Variants in CHSY3 observed in about 807,000 individuals in gnomAD.
CHSY3 encodes the protein chondroitin sulfate synthase 3.
A neutral mutation model predicts 67.2 loss-of-function variants in CHSY3; 35 were observed. The ratio of observed to expected loss-of-function variants is 0.52; its 90% CI spans 0.40 to 0.69. The LOEUF (loss-of-function observed/expected upper bound fraction) is 0.69. CHSY3 is among the 30% of genes least tolerant of loss of function. The pLI, the probability that CHSY3 is intolerant of heterozygous loss-of-function variation, is 0.00. For synonymous variants in CHSY3, 474 were observed against 434.7 expected, an observed-to-expected ratio of 1.09 and a Z score of -1.12; for missense variants, 1,069 against 1,138.5, an observed-to-expected ratio of 0.94 and a Z score of 0.88.
At chr5:130,143,780 A>ATGTGTATATATATATATATATATG (rs1768966341) in intron 2 of CHSY3, among the ~76,000 whole-genome samples, 3 of 60,406 alleles carry the variant, frequency 5.0e-5, no homozygotes, top group Non-Finnish European at 5.5e-5. Context: ...ATATATATAT[A>ATGTGTATATATATATATATATATG]TGTGTATATA....
At chr5:129,920,868 G>C (rs929683778) in intron 2 of CHSY3, among the ~76,000 whole-genome samples, 1 of 151,916 alleles carries the variant, frequency 6.6e-6, no homozygotes. Flanking sequence ...ACCCAGGCTG[G>C]AATGCAGTGG....
intron 2 of CHSY3, among the ~76,000 whole-genome samples, chr5:129,945,664 A>G (rs1761831153): frequency 6.6e-6 from 1 of 152,160 alleles, no homozygotes; most frequent in Non-Finnish European, 1.5e-5. Context: ...ACAGTATGGA[A>G]GGAGACAGAC....
intron 2 of CHSY3, among the ~76,000 whole-genome samples, chr5:129,919,522 G>A (rs1035579295): frequency 2.6e-5 from 4 of 152,122 alleles, no homozygotes; most frequent in African/African-American, 7.2e-5. Flanking sequence ...GGCAGAAGGC[G>A]AAAGGCACAT....
intron 2 of CHSY3, among the ~76,000 whole-genome samples, chr5:130,110,594 G>A (rs2149703523): frequency 6.6e-6 from 1 of 152,030 alleles, no homozygotes; most frequent in African/African-American, 2.4e-5. Context: ...TTGAGCCTTA[G>A]GGAGATAATC....
At chr5:129,995,069 G>C (rs779749402) in intron 2 of CHSY3, among the ~76,000 whole-genome samples, 24 of 152,038 alleles carry the variant, frequency 1.6e-4, no homozygotes, top group Middle Eastern at 6.8e-3. Context: ...ACTTTCACCA[G>C]CAGTGTATGA....
chr5:130,106,253 A>T (rs1178523744), intron 2 of CHSY3, among the ~76,000 whole-genome samples: 1 of 151,764 alleles, frequency 6.6e-6, no homozygotes, highest in Non-Finnish European at 1.5e-5. Flanking sequence ...AAGTGGACGT[A>T]TGACAGTCAT....
intron 2 of CHSY3, among the ~76,000 whole-genome samples, chr5:129,960,294 C>T (rs762778125): frequency 6.6e-6 from 1 of 151,992 alleles, no homozygotes; most frequent in South Asian, 2.1e-4. Context: ...TTTGGAAGAT[C>T]TTTGAAGGTT....
intron 2 of CHSY3, among the ~76,000 whole-genome samples, chr5:130,139,609 A>G (rs1242512922): frequency 6.6e-6 from 1 of 152,150 alleles, no homozygotes; most frequent in Non-Finnish European, 1.5e-5. Context: ...CCCTCTTGGG[A>G]TTTTACAACA....
At chr5:130,032,683 G>T (rs1561506180) in intron 2 of CHSY3, among the ~76,000 whole-genome samples, 1 of 152,138 alleles carries the variant, frequency 6.6e-6, no homozygotes, top group African/African-American at 2.4e-5. Context: ...GAGTACCCAG[G>T]TTAGACATAC....
chr5:130,022,860 T>A (rs1325335398), intron 2 of CHSY3, among the ~76,000 whole-genome samples: 1 of 151,984 alleles, frequency 6.6e-6, no homozygotes, highest in African/African-American at 2.4e-5. Flanking sequence ...TTTTGTGTGT[T>A]CAGTTTTCTA....
chr5:129,976,913 C>CAT (rs5871372), intron 2 of CHSY3, among the ~76,000 whole-genome samples: 3,827 of 146,442 alleles, frequency 0.026, 69 homozygotes, highest in East Asian at 0.06. Flanking sequence ...ATAGAGAAGA[C>CAT]ATATATATAT....
At chr5:130,112,650 T>C (rs958979247) in intron 2 of CHSY3, among the ~76,000 whole-genome samples, 2 of 152,128 alleles carry the variant, frequency 1.3e-5, no homozygotes, top group East Asian at 1.9e-4. Context: ...AAATTGTTTC[T>C]ATTACTCAGA....
intron 2 of CHSY3, among the ~76,000 whole-genome samples, chr5:129,945,352 C>T (rs930289237): frequency 1.3e-5 from 2 of 152,148 alleles, no homozygotes; most frequent in Non-Finnish European, 2.9e-5. Flanking sequence ...ACAGAATAAA[C>T]ATGGCATAAC....
At chr5:129,993,205 G>A (rs751822616) in intron 2 of CHSY3, among the ~76,000 whole-genome samples, 12 of 152,016 alleles carry the variant, frequency 7.9e-5, no homozygotes, top group South Asian at 2.1e-4. Flanking sequence ...TCTAGTTCTC[G>A]TCATTAGTTC....
rs1209355862 is a variant in CHSY3 at position 130,178,237 on chromosome 5, A to ATT, written c.1087-5991_1087-5990insTT. On this transcript the variant is annotated intron_variant, in intron 2 of 2. Transcript: ENST00000305031. ...TGTATATATTTATATTTATATATAT[A>ATT]TATATATATATATATATTTTTTTTT... Among the ~76,000 whole-genome samples the ATT allele has an allele frequency of 4.0e-3, 250 of 62,476 alleles. 1 individual carries two copies. The highest frequency in any genetic ancestry group is 0.011 in the South Asian group (19 of 1,786). The allele number at this position is 62,476 out of a possible 152,430, so 41.0% of individuals were successfully genotyped here. A position where few individuals can be genotyped will look rare whatever the true frequency, so the allele number is the denominator to read the frequency against.
At chr5:129,954,246 C>T (rs1762104296) in intron 2 of CHSY3, among the ~76,000 whole-genome samples, 1 of 152,076 alleles carries the variant, frequency 6.6e-6, no homozygotes, top group Non-Finnish European at 1.5e-5. Flanking sequence ...AATCCTTTCC[C>T]CATTTCTTGT....
intron 2 of CHSY3, among the ~76,000 whole-genome samples, chr5:130,005,541 TAA>T (rs1211787876): frequency 1.3e-5 from 2 of 152,220 alleles, no homozygotes; most frequent in Non-Finnish European, 2.9e-5. Context: ...AGTTTCAGCT[TAA>T]GTTTATTTTA....
chr5:130,138,940 G>C (rs1768764513), intron 2 of CHSY3, among the ~76,000 whole-genome samples: 1 of 152,096 alleles, frequency 6.6e-6, no homozygotes, highest in South Asian at 2.1e-4. Flanking sequence ...ATTCATCATT[G>C]TGTGGTTATC....
chr5:130,046,269 T>C (rs1765144880), intron 2 of CHSY3, among the ~76,000 whole-genome samples: 1 of 152,114 alleles, frequency 6.6e-6, no homozygotes, highest in Non-Finnish European at 1.5e-5. Context: ...ACATTATCTA[T>C]CGCCAAAGTT....
Sources: allele counts gnomAD v4.1 joint callset (sites outside exome capture counted in the v4.1 genomes callset), GRCh38; gene constraint gnomAD v4.1.1; transcripts MANE v1.5; gene names NCBI Gene and HGNC (gene_info 2026-07-23, HGNC 2026-07-21).